MAML2: variants seen among roughly 807,000 people sequenced by gnomAD.
MAML2 encodes the protein mastermind like transcriptional coactivator 2, also known as mastermind-like protein 2.
MAML2 carries 22 observed loss-of-function variants against 96.1 expected under a neutral mutation model. The ratio of observed to expected loss-of-function variants is 0.23; its 90% CI spans 0.16 to 0.33. The LOEUF is 0.33. MAML2 is among the 10% of genes least tolerant of loss of function. The pLI, the probability that MAML2 is intolerant of heterozygous loss-of-function variation, is 1.00. For synonymous variants in MAML2, 561 were observed against 521.3 expected (o/e 1.08, Z -1.04); for missense variants, 1,367 against 1,392.4 (o/e 0.98, Z 0.29).
intron 1 of MAML2, among the ~76,000 whole-genome samples, chr11:96,155,523 T>TG (rs1482474031): frequency 1.7e-5 from 1 of 58,802 alleles, no homozygotes; most frequent in Non-Finnish European, 3.9e-5. Context: ...TATATATATA[T>TG]ATATATATAT....
At chr11:96,212,135 GT>G (rs1316134385) in intron 1 of MAML2, among the ~76,000 whole-genome samples, 377 of 149,792 alleles carry the variant, frequency 2.5e-3, no homozygotes, top group Admixed American at 3.8e-3. Context: ...GTGTGTGTGT[GT>G]GTGTGTGTGT....
intron 2 of MAML2, among the ~76,000 whole-genome samples, chr11:96,058,215 T>C (rs1859099383): frequency 1.3e-5 from 2 of 152,234 alleles, no homozygotes; most frequent in Non-Finnish European, 2.9e-5. Context: ...AGCTGGCCAG[T>C]GCCAGTCAGC....
intron 1 of MAML2, among the ~76,000 whole-genome samples, chr11:96,319,479 G>A (rs542236475): frequency 5.9e-5 from 9 of 152,148 alleles, no homozygotes; most frequent in Non-Finnish European, 1.2e-4. Context: ...CATGGCAACT[G>A]GAAACTATCT....
At chr11:96,200,516 C>G (rs1861805169) in intron 1 of MAML2, among the ~76,000 whole-genome samples, 1 of 152,184 alleles carries the variant, frequency 6.6e-6, no homozygotes, top group South Asian at 2.1e-4. Flanking sequence ...CACAAAAGTT[C>G]CCACATTTGG....
rs483084 is a variant in MAML2, at chr11:96,028,202, A to C, written c.2140-36479T>G. 6.7e-3 allele frequency among the ~76,000 whole-genome samples: 1,019 copies of C among 152,346 alleles called. 9 individuals carry two copies. Among genetic ancestry groups the C allele is most frequent in the African/African-American group, 0.023 (972 of 41,580 alleles). On this transcript the variant is annotated intron_variant, in intron 2 of 4. Coordinates refer to ENST00000524717, the MANE Select transcript of MAML2 (RefSeq NM_032427.4). ...AGTCTGGACCTTGAAAGTTTTAAAA[A>C]TAAGATTTTTCCTCATATATTTGCT... is the stretch of plus-strand genomic sequence containing the variant.
intron 3 of MAML2, among the ~76,000 whole-genome samples, chr11:95,989,772 G>A (rs1003153468): frequency 6.6e-6 from 1 of 152,152 alleles, no homozygotes; most frequent in Non-Finnish European, 1.5e-5. Flanking sequence ...AGTATTCAAC[G>A]TCATCTGTAA....
chr11:96,143,329 A>G (rs754152604), intron 1 of MAML2, among the ~76,000 whole-genome samples: 12 of 152,240 alleles, frequency 7.9e-5, no homozygotes, highest in Non-Finnish European at 5.9e-5. Flanking sequence ...CAAGAAATCT[A>G]TGCTTTTGAG....
intron 1 of MAML2, among the ~76,000 whole-genome samples, chr11:96,141,955 G>A (rs1316937955): frequency 3.3e-5 from 5 of 152,112 alleles, no homozygotes; most frequent in Middle Eastern, 3.2e-3. Context: ...GCGTTGGGGC[G>A]ATCAAAAAAG....
rs567144328 is a variant in MAML2, at chr11:95,990,526, A to G, written c.2343+994T>C. ...AGTTCTTTCTGAAATCATTTCTAGT[A>G]GTTACCAGAGTATGGCATTTAATCA... On this transcript the variant is annotated intron_variant, in intron 3 of 4. Coordinates refer to ENST00000524717, the MANE Select transcript of MAML2 (RefSeq NM_032427.4). 1.9e-3 allele frequency among the ~76,000 whole-genome samples: 287 copies of G among 152,310 alleles called. 1 individual carries two copies. The highest frequency in any genetic ancestry group is 2.8e-3 in the Non-Finnish European group (192 of 68,030).
intron 1 of MAML2, among the ~76,000 whole-genome samples, chr11:96,176,757 T>G (rs953967852): frequency 6.6e-6 from 1 of 152,194 alleles, no homozygotes; most frequent in Non-Finnish European, 1.5e-5. Flanking sequence ...GAAGTAGCTC[T>G]GGTTGTTGAG....
intron 1 of MAML2, among the ~76,000 whole-genome samples, chr11:96,219,596 C>T (rs955064257): frequency 6.6e-6 from 1 of 152,108 alleles, no homozygotes; most frequent in African/African-American, 2.4e-5. Flanking sequence ...CTTTGTAACC[C>T]TGAACAAACA....
chr11:96,197,637 T>C (rs1196890659), intron 1 of MAML2, among the ~76,000 whole-genome samples: 1 of 152,240 alleles, frequency 6.6e-6, no homozygotes. Context: ...TGTTCAACAT[T>C]ATGATCAGTC....
At chr11:96,255,517 CG>C (rs1158665824) in intron 1 of MAML2, among the ~76,000 whole-genome samples, 1 of 152,142 alleles carries the variant, frequency 6.6e-6, no homozygotes. Context: ...TAGGGGTGGA[CG>C]ATCTATTTTC....
intron 1 of MAML2, among the ~76,000 whole-genome samples, chr11:96,239,220 G>A (rs1056495396): frequency 1.3e-5 from 2 of 152,224 alleles, no homozygotes; most frequent in African/African-American, 2.4e-5. Flanking sequence ...TATAGTGTTA[G>A]GTTTGAATGA....
intron 1 of MAML2, among the ~76,000 whole-genome samples, chr11:96,105,429 A>G (rs1362576744): frequency 6.6e-6 from 1 of 152,232 alleles, no homozygotes; most frequent in Non-Finnish European, 1.5e-5. Context: ...CAATGTGTTA[A>G]CTGGTTTGGA....
chr11:96,240,529 GC>G (rs1434789352), intron 1 of MAML2, among the ~76,000 whole-genome samples: 1 of 122,378 alleles, frequency 8.2e-6, no homozygotes, highest in African/African-American at 3.1e-5. Flanking sequence ...CCGCAGTCCG[GC>G]CTGGGCGACA....
intron 1 of MAML2, among the ~76,000 whole-genome samples, chr11:96,134,914 G>A (rs562524798): frequency 1.3e-5 from 2 of 152,324 alleles, no homozygotes; most frequent in South Asian, 4.1e-4. Context: ...CAGAGCTTCT[G>A]CAGTTCATTA....
chr11:96,000,306 G>A (rs1005139588), intron 2 of MAML2, among the ~76,000 whole-genome samples: 25 of 152,236 alleles, frequency 1.6e-4, no homozygotes, highest in Admixed American at 9.8e-4. Context: ...ATGGCATGAC[G>A]GCCTAATCCA....
intron 1 of MAML2, among the ~76,000 whole-genome samples, chr11:96,293,767 C>T (rs1455094412): frequency 2.6e-5 from 4 of 152,142 alleles, no homozygotes; most frequent in Non-Finnish European, 4.4e-5. Flanking sequence ...GAAACAGACT[C>T]ACAGAGGCTG....
Sources: gnomAD v4.1 joint callset for allele counts (sites outside exome capture counted in the v4.1 genomes callset) on GRCh38, gnomAD v4.1.1 for gene constraint, MANE v1.5 for transcripts, NCBI Gene and HGNC (gene_info 2026-07-23, HGNC 2026-07-21) for gene names.